Variants in GRM5 observed in about 807,000 individuals in gnomAD.
GRM5 encodes the protein glutamate metabotropic receptor 5.
In GRM5, 19 loss-of-function variants were observed where a neutral mutation model predicts 83.1. That is an observed-to-expected ratio of 0.23 (90% CI 0.16 to 0.34). GRM5 has a LOEUF of 0.34. Among genes scored for constraint, GRM5 ranks in the 10% least tolerant of loss-of-function variants. The pLI is 1.00. For synonymous variants in GRM5, 675 were observed against 633.6 expected (o/e 1.07, Z -0.98); for missense variants, 1,160 against 1,588.3 (o/e 0.73, Z 4.58).
At chr11:88,632,454 G>A (rs1039113320) in intron 4 of GRM5, among the ~76,000 whole-genome samples, 8 of 151,750 alleles carry the variant, frequency 5.3e-5, no homozygotes, top group Admixed American at 1.3e-4. Context: ...GGTTGATCTC[G>A]AGCTCCTGGC....
intron 3 of GRM5, among the ~76,000 whole-genome samples, chr11:88,702,940 T>C (rs1941068682): frequency 1.3e-5 from 2 of 152,090 alleles, no homozygotes; most frequent in South Asian, 4.1e-4. Context: ...TTCAGAACTA[T>C]GGAAAAATAA....
chr11:88,838,890 CACACACACACACACAT>C (rs1176516262), intron 3 of GRM5, among the ~76,000 whole-genome samples: 2 of 151,630 alleles, frequency 1.3e-5, no homozygotes, highest in African/African-American at 4.8e-5. Context: ...CACACACACA[CACACACACACACACAT>C]ACACACACAA....
In GRM5 at chr11:88,508,353, G is replaced by A. The variant is rs1039018541; in HGVS notation, c.*239C>T. On this transcript the variant is annotated 3_prime_UTR_variant, in exon 10 of 10. Coordinates refer to ENST00000305447, the MANE Select transcript of GRM5 (RefSeq NM_001143831.3). The surrounding 1 kb of genome is among the most constrained non-coding windows in gnomAD (Gnocchi z 4.2). ...TTGTCAGCCCTCAAAGATATCAGCC[G>A]TGTTTCTTAAAAGCCCATGTTTTCT... is the stretch of plus-strand genomic sequence containing the variant. 1 of 430,740 alleles carries A rather than the reference G, an allele frequency of 2.3e-6. No individual in the cohort carries two copies. Among genetic ancestry groups the A allele is most frequent in the African/African-American group, 2.1e-5 (1 of 47,734 alleles). The allele number at this position is 430,740 out of a possible 1,614,324, so 26.7% of individuals were successfully genotyped here.
intron 3 of GRM5, among the ~76,000 whole-genome samples, chr11:88,710,180 G>A (rs1941251735): frequency 6.6e-6 from 1 of 152,122 alleles, no homozygotes; most frequent in South Asian, 2.1e-4. Flanking sequence ...TAAGGCACTT[G>A]CAAAATTGCA....
rs575046768 is a variant in GRM5, at chr11:88,847,537, C to T, written c.911+2369G>A. 5.3e-5 allele frequency among the ~76,000 whole-genome samples: 8 copies of T among 152,198 alleles called. 1 individual carries two copies. In the South Asian group the frequency reaches 1.7e-3, roughly 32 times the overall value. On this transcript the variant is annotated intron_variant, in intron 3 of 9. Coordinates refer to ENST00000305447, the MANE Select transcript of GRM5 (RefSeq NM_001143831.3). ...TATTTCAAAGAGAAGTTGGAGAGTACTGAGGACCACACTGTTGTTCCCAAA... is the reference window on the plus strand; with the variant it reads ...TATTTCAAAGAGAAGTTGGAGAGTATTGAGGACCACACTGTTGTTCCCAAA...
intron 7 of GRM5, among the ~76,000 whole-genome samples, chr11:88,574,614 G>A (rs12274391): frequency 0.053 from 8,069 of 151,924 alleles, 685 homozygotes; most frequent in African/African-American, 0.18. Flanking sequence ...TAAAAATACA[G>A]AAATTAGCCA....
chr11:89,047,843 T>C lies in GRM5; in HGVS notation c.30A>G (p.Leu10=). MVLLLILSV[L]LLKEDVRGSA... is the part of the protein sequence containing the mutation. ...TCCCACGGACATCTTCTTTCAAAAG[T>C]AAGACTGACAGGATCAACAGAAGGA... Residue 10 remains leucine (L), a synonymous_variant, in exon 2 of 10, where the codon TTA becomes TTG. Transcript: ENST00000305447. The surrounding 1 kb of genome is among the most constrained non-coding windows in gnomAD (Gnocchi z 5.1). The C allele has an allele frequency of 1.9e-6, 3 of 1,613,914 alleles. No individual in the cohort carries two copies. Among genetic ancestry groups the C allele is most frequent in the Non-Finnish European group, 8.5e-7 (1 of 1,179,870 alleles).
chr11:89,010,197 G>T (rs1212869836), intron 2 of GRM5, among the ~76,000 whole-genome samples: 1 of 151,974 alleles, frequency 6.6e-6, no homozygotes, highest in Non-Finnish European at 1.5e-5. Context: ...ACGATTATAT[G>T]CAATAAAAGC....
intron 3 of GRM5, among the ~76,000 whole-genome samples, chr11:88,804,959 T>C (rs1943473705): frequency 6.6e-6 from 1 of 152,142 alleles, no homozygotes; most frequent in Non-Finnish European, 1.5e-5. Flanking sequence ...ATCCTTTAAA[T>C]TGAACAAATT....
chr11:88,665,259 C>A (rs1324587715), intron 3 of GRM5, among the ~76,000 whole-genome samples: 2 of 150,610 alleles, frequency 1.3e-5, no homozygotes, highest in East Asian at 3.9e-4. Context: ...TGCCTTAAAC[C>A]ATTAAATTAA....
chr11:88,595,320 G>C (rs1457746116), intron 6 of GRM5, among the ~76,000 whole-genome samples: 1 of 152,046 alleles, frequency 6.6e-6, no homozygotes, highest in East Asian at 1.9e-4. Context: ...TCATCCTACA[G>C]TGCTAAAGAA....
chr11:88,608,740 T>G (rs1166029606), intron 4 of GRM5, among the ~76,000 whole-genome samples: 1 of 152,036 alleles, frequency 6.6e-6, no homozygotes, highest in Admixed American at 6.6e-5. Context: ...CAGGATGGTC[T>G]CGATCTCCTG....
At chr11:88,584,171 A>G (rs1034607120) in intron 7 of GRM5, among the ~76,000 whole-genome samples, 6 of 138,696 alleles carry the variant, frequency 4.3e-5, no homozygotes, top group Middle Eastern at 4.0e-3. Context: ...AATCTATATT[A>G]AAAAATGTTA....
intron 3 of GRM5, among the ~76,000 whole-genome samples, chr11:88,662,163 T>C (rs1939923632): frequency 6.6e-6 from 1 of 152,142 alleles, no homozygotes; most frequent in South Asian, 2.1e-4. Flanking sequence ...GAGATAATTA[T>C]TAGCCCTAGT....
At chr11:89,025,200 T>C (rs1941100414) in intron 2 of GRM5, among the ~76,000 whole-genome samples, 1 of 152,170 alleles carries the variant, frequency 6.6e-6, no homozygotes, top group African/African-American at 2.4e-5. Flanking sequence ...TCCATTTGTG[T>C]CTCTAACTAC....
intron 3 of GRM5, among the ~76,000 whole-genome samples, chr11:88,675,815 G>A (rs1383637622): frequency 6.6e-6 from 1 of 152,026 alleles, no homozygotes; most frequent in East Asian, 1.9e-4. Context: ...TTCTGTAAAT[G>A]TTTGTATAAT....
At chr11:88,678,912 A>C (rs1013587346) in intron 3 of GRM5, among the ~76,000 whole-genome samples, 1 of 146,470 alleles carries the variant, frequency 6.8e-6, no homozygotes, top group African/African-American at 2.5e-5. Flanking sequence ...TGACTCATTT[A>C]AAAAAAAAAA....
chr11:88,768,944 T>TA (rs1165085660), intron 3 of GRM5, among the ~76,000 whole-genome samples: 2 of 152,104 alleles, frequency 1.3e-5, no homozygotes, highest in Non-Finnish European at 2.9e-5. Context: ...TTTGTTGTTT[T>TA]ATGCTTCCCT....
At chr11:88,788,881 G>A (rs10741524) in intron 3 of GRM5, among the ~76,000 whole-genome samples, 105,079 of 151,928 alleles carry the variant, frequency 0.69, 36,859 homozygotes, top group Non-Finnish European at 0.75. Context: ...TGAAATCCTA[G>A]GTGAAGGATG....
Sources: allele counts gnomAD v4.1 joint callset (sites outside exome capture counted in the v4.1 genomes callset), GRCh38; gene constraint gnomAD v4.1.1; non-coding constraint Gnocchi (gnomAD v3.1); transcripts MANE v1.5; gene names NCBI Gene and HGNC (gene_info 2026-07-23, HGNC 2026-07-21).